The following CSMD1 variants were observed in gnomAD, a reference collection of about 807,000 sequenced individuals.
CSMD1 encodes CUB and sushi domain-containing protein 1.
A neutral mutation model predicts 417.5 loss-of-function variants in CSMD1; 213 were observed. The observed-to-expected ratio is 0.51, with a 90% CI of 0.46 to 0.57. The LOEUF is 0.57. Ranked by LOEUF, CSMD1 falls within the 20% of genes least tolerant of loss-of-function variation. The pLI, the probability that CSMD1 is intolerant of heterozygous loss-of-function variation, is 0.00. For missense variants in CSMD1, 6,923 were observed against 4,529.7 expected (o/e 1.53, Z -15.17); for synonymous variants, 2,862 against 1,736.8 (o/e 1.65, Z -16.11).
intron 3 of CSMD1, among the ~76,000 whole-genome samples, chr8:4,308,299 T>C (rs1055518358): frequency 1.3e-5 from 2 of 151,970 alleles, no homozygotes; most frequent in Non-Finnish European, 2.9e-5. Context: ...GTGTGAAGTT[T>C]GAAGTGTATG....
At chr8:3,477,393 G>T (rs536093088) in intron 11 of CSMD1, among the ~76,000 whole-genome samples, 1 of 152,268 alleles carries the variant, frequency 6.6e-6, no homozygotes, top group East Asian at 1.9e-4. Context: ...GTCCACGAAT[G>T]GCATAAATTG....
At chr8:4,040,924 T>C (rs1797853393) in intron 3 of CSMD1, among the ~76,000 whole-genome samples, 1 of 152,218 alleles carries the variant, frequency 6.6e-6, no homozygotes, top group Admixed American at 6.5e-5. Context: ...TTTGCTAGTG[T>C]GAATTATTAA....
intron 18 of CSMD1, chr8:3,373,510 G>A (rs1164763218): frequency 6.6e-6 from 1 of 152,204 alleles, no homozygotes; most frequent in Non-Finnish European, 1.5e-5. Context: ...GAAATTTGAT[G>A]TATGGAGAAT....
At chr8:4,176,956 C>T (rs1162506900) in intron 3 of CSMD1, among the ~76,000 whole-genome samples, 1 of 151,218 alleles carries the variant, frequency 6.6e-6, no homozygotes, top group South Asian at 2.1e-4. Flanking sequence ...TACAAAGAGA[C>T]TTAGACTCCC....
intron 1 of CSMD1, among the ~76,000 whole-genome samples, chr8:4,887,677 A>C (rs939246570): frequency 6.6e-6 from 1 of 151,490 alleles, no homozygotes; most frequent in Non-Finnish European, 1.5e-5. Flanking sequence ...TATTTGCTTT[A>C]TTTATTTATT....
At chr8:4,445,596 G>C (rs988807676) in intron 2 of CSMD1, among the ~76,000 whole-genome samples, 2 of 152,156 alleles carry the variant, frequency 1.3e-5, no homozygotes, top group Non-Finnish European at 2.9e-5. Context: ...GTTTAAGAAA[G>C]AACTGTGTGT....
intron 2 of CSMD1, among the ~76,000 whole-genome samples, chr8:4,622,889 T>A (rs1012304938): frequency 1.3e-5 from 2 of 152,132 alleles, no homozygotes; most frequent in African/African-American, 4.8e-5. Flanking sequence ...AAACAACTAC[T>A]AAAATTAATT....
chr8:4,536,874 G>C (rs1263021506), intron 2 of CSMD1, among the ~76,000 whole-genome samples: 1 of 152,144 alleles, frequency 6.6e-6, no homozygotes, highest in Admixed American at 6.5e-5. Context: ...TAGTGCATCA[G>C]AGTGCCAGTT....
chr8:3,936,656 G>T (rs139318499), intron 5 of CSMD1, among the ~76,000 whole-genome samples: 36 of 152,264 alleles, frequency 2.4e-4, no homozygotes, highest in Non-Finnish European at 4.0e-4. Flanking sequence ...TCTAAATATT[G>T]CTGCTCTTTA....
At chr8:3,591,820 A>G (rs984562598) in intron 8 of CSMD1, among the ~76,000 whole-genome samples, 3 of 152,104 alleles carry the variant, frequency 2.0e-5, no homozygotes, top group African/African-American at 7.2e-5. Flanking sequence ...TAGACAGTGG[A>G]TGGATAGATG....
At chr8:3,679,118 T>A (rs964985988) in intron 7 of CSMD1, among the ~76,000 whole-genome samples, 1 of 151,758 alleles carries the variant, frequency 6.6e-6, no homozygotes, top group African/African-American at 2.4e-5. Context: ...GGAAGAAAAC[T>A]GTATCAACTA....
intron 1 of CSMD1, among the ~76,000 whole-genome samples, chr8:4,898,574 A>G (rs1325493420): frequency 6.6e-6 from 1 of 152,226 alleles, no homozygotes; most frequent in Non-Finnish European, 1.5e-5. Flanking sequence ...CATGGCTCAC[A>G]AATCATATCC....
At chr8:3,359,014 T>G in intron 21 of CSMD1, 138 bp downstream of exon 21, 1 of 713,370 alleles carries the variant, frequency 1.4e-6, no homozygotes, top group Non-Finnish European at 2.3e-6. Context: ...CTCCCCTGGT[T>G]GGCAGAGTGG....
chr8:3,038,375 G>T (rs550002352), intron 50 of CSMD1, among the ~76,000 whole-genome samples: 2 of 152,290 alleles, frequency 1.3e-5, no homozygotes, highest in Admixed American at 6.5e-5. Flanking sequence ...TTGAAAAATA[G>T]TATGACTGAT....
chr8:3,334,394 G>C (rs925916728), intron 23 of CSMD1, among the ~76,000 whole-genome samples: 10 of 152,258 alleles, frequency 6.6e-5, no homozygotes, highest in African/African-American at 2.2e-4. Flanking sequence ...TATCGGTCCT[G>C]AGAGTGTATT....
chr8:3,467,280 T>C (rs527302548), intron 12 of CSMD1, among the ~76,000 whole-genome samples: 1 of 152,218 alleles, frequency 6.6e-6, no homozygotes, highest in Non-Finnish European at 1.5e-5. Flanking sequence ...TGTATCTCAA[T>C]GCTGCTGAGA....
At chr8:4,380,110 A>G (rs1803005965) in intron 3 of CSMD1, among the ~76,000 whole-genome samples, 1 of 152,154 alleles carries the variant, frequency 6.6e-6, no homozygotes, top group Non-Finnish European at 1.5e-5. Context: ...AAATAAAACA[A>G]ATTCCTTGTG....
chr8:3,804,336 G>A (rs985710226), intron 5 of CSMD1, among the ~76,000 whole-genome samples: 22 of 152,102 alleles, frequency 1.4e-4, no homozygotes, highest in Admixed American at 2.0e-4. Context: ...ACTCTAATGC[G>A]TCTTAAAAGA....
At position 3,546,446 on chromosome 8, in the gene CSMD1, G is replaced by A. The variant is rs376411419; in HGVS notation, c.1344+28499C>T. 2.6e-5 allele frequency among the ~76,000 whole-genome samples: 4 copies of A among 151,862 alleles called. No individual in the cohort carries two copies. The South Asian group carries it at 8.3e-4, about 32-fold the overall frequency. On this transcript the variant is annotated intron_variant, in intron 10 of 69. Coordinates refer to ENST00000635120, the MANE Select transcript of CSMD1 (RefSeq NM_033225.6). ...AGCTACTTGGGAGGCTGAGGCAGGA[G>A]AATCTCTTGAACCAGGGAGTCGGAG...
Sources: gnomAD v4.1 joint callset for allele counts (sites outside exome capture counted in the v4.1 genomes callset) on GRCh38, gnomAD v4.1.1 for gene constraint, MANE v1.5 for transcripts, NCBI Gene and HGNC (gene_info 2026-07-23, HGNC 2026-07-21) for gene names.